Variants in DGCR2 observed in about 807,000 individuals in gnomAD.
DGCR2 encodes the protein integral membrane protein DGCR2/IDD.
DGCR2 carries 24 observed loss-of-function variants against 51.6 expected under a neutral mutation model. The observed-to-expected ratio is 0.47, with a 90% CI of 0.34 to 0.65. DGCR2 has a LOEUF of 0.65. DGCR2 is among the 30% of genes least tolerant of loss of function. The pLI is 0.01. For missense variants in DGCR2, 765 were observed against 772.1 expected (o/e 0.99, Z 0.11); for synonymous variants, 340 against 315.4 (o/e 1.08, Z -0.82).
intron 1 of DGCR2, among the ~76,000 whole-genome samples, chr22:19,101,609 C>G (rs55696481): frequency 6.6e-6 from 1 of 151,898 alleles, no homozygotes; most frequent in African/African-American, 2.4e-5. Context: ...GGCGTGGTGG[C>G]GCACACCTGT....
intron 1 of DGCR2, among the ~76,000 whole-genome samples, chr22:19,090,440 T>C (rs1027226143): frequency 3.3e-5 from 5 of 152,018 alleles, no homozygotes; most frequent in African/African-American, 4.8e-5. Context: ...AAAGAAGACA[T>C]GCACAGAAAA....
chr22:19,117,445 G>A (rs982415136), intron 1 of DGCR2, among the ~76,000 whole-genome samples: 2 of 152,218 alleles, frequency 1.3e-5, no homozygotes, highest in African/African-American at 2.4e-5. Flanking sequence ...ACCTTCCCAC[G>A]TGACACAGGG....
intron 3 of DGCR2, chr22:19,065,974 T>G (rs890214082): frequency 3.3e-5 from 5 of 152,256 alleles, no homozygotes; most frequent in Non-Finnish European, 5.9e-5. Flanking sequence ...GTGTGACTTC[T>G]TCATAAAGGC....
rs746408500 is a variant in DGCR2, at chr22:19,041,221, C to T, written c.1233G>A (p.Thr411=). Residue 411 remains threonine, a synonymous_variant, in exon 9 of 10, where the codon ACG becomes ACA. Transcript: ENST00000263196. ...CTCCGTCGTCAGAAAGATGCAGCGG[C>T]GTGAGGCCCGTGCCAAACCCGTCTG... is the stretch of plus-strand genomic sequence containing the variant. The part of the protein sequence containing the change: ...YGPDGFGTGL[T]PLHLSDDGEG... 3.1e-6 allele frequency: 5 copies of T among 1,614,096 alleles called. No individual in the cohort carries two copies. The highest frequency in any genetic ancestry group is 1.7e-5 in the Admixed American group (1 of 60,016).
intron 1 of DGCR2, among the ~76,000 whole-genome samples, chr22:19,103,284 TAA>T (rs361955): frequency 1.6e-4 from 21 of 134,654 alleles, no homozygotes; most frequent in Non-Finnish European, 2.4e-4. Flanking sequence ...TTTGGGATGA[TAA>T]AAAAAAAAAA....
Position 19,041,851 on chromosome 22 carries a change from C to T in DGCR2, c.1115G>A (p.Arg372His), listed in dbSNP as rs748660036. 3.7e-6 allele frequency: 6 copies of T among 1,612,950 alleles called. No individual in the cohort carries two copies. The African/African-American group carries it at 4.0e-5, about 11-fold the overall frequency. Residue 372 changes from arginine to histidine, a missense_variant, in exon 8 of 10, where the codon CGC becomes CAC. This residue lies in a region of DGCR2 where 190 missense variants were observed against 265.2 expected (regional missense o/e 0.72). Coordinates refer to ENST00000263196, the MANE Select transcript of DGCR2 (RefSeq NM_005137.3). ...SLLLFMVHRL[R>H]QRRRERIESL... ...CTCGATGCGCTCCCGGCGCCGCTGG[C>T]GCAGCCGGTGGACCATGAAGAGCAG...
chr22:19,055,323 C>A (rs2082589594), intron 6 of DGCR2, among the ~76,000 whole-genome samples: 1 of 152,120 alleles, frequency 6.6e-6, no homozygotes, highest in Non-Finnish European at 1.5e-5. Flanking sequence ...ACTTTTGTAA[C>A]ACAAATATTC....
At chr22:19,089,525 G>A (rs111349204) in intron 1 of DGCR2, 35 bp from the exon 2 acceptor site, 19,659 of 1,499,004 alleles carry the variant, frequency 0.013, 177 homozygotes, top group Middle Eastern at 0.019. Flanking sequence ...CATTGAGGAA[G>A]TGGCAGTAGG....
At chr22:19,083,721 C>CT (rs1569070541) in intron 2 of DGCR2, among the ~76,000 whole-genome samples, 55 of 125,270 alleles carry the variant, frequency 4.4e-4, no homozygotes, top group African/African-American at 1.4e-3. Context: ...CTCCCTCTCC[C>CT]CACGGTCTCC....
At chr22:19,119,240 T>A (rs1277517084) in intron 1 of DGCR2, among the ~76,000 whole-genome samples, 1 of 151,998 alleles carries the variant, frequency 6.6e-6, no homozygotes, top group Non-Finnish European at 1.5e-5. Flanking sequence ...CAGTCACGGG[T>A]GCATGATGGG....
chr22:19,084,855 G>T (rs1414688770), intron 2 of DGCR2, among the ~76,000 whole-genome samples: 5 of 147,036 alleles, frequency 3.4e-5, no homozygotes, highest in African/African-American at 1.3e-4. Context: ...GGAGGTGGGG[G>T]GCGCCTCTGC....
intron 5 of DGCR2, among the ~76,000 whole-genome samples, chr22:19,058,194 G>T (rs1236136139): frequency 2.0e-5 from 3 of 152,192 alleles, no homozygotes; most frequent in Non-Finnish European, 2.9e-5. Flanking sequence ...TATGCTGTGG[G>T]CCTGTGGACA....
chr22:19,068,628 C>A (rs1022534434), intron 2 of DGCR2, among the ~76,000 whole-genome samples: 1 of 152,224 alleles, frequency 6.6e-6, no homozygotes, highest in African/African-American at 2.4e-5. Context: ...TGAGGGCCTT[C>A]TCTCCCAGTA....
intron 2 of DGCR2, among the ~76,000 whole-genome samples, chr22:19,086,397 T>C (rs1459798957): frequency 6.6e-6 from 1 of 152,044 alleles, no homozygotes; most frequent in African/African-American, 2.4e-5. Flanking sequence ...GAGAATGGCA[T>C]GAACCCGGGA....
chr22:19,116,563 G>C (rs1032263708), intron 1 of DGCR2, among the ~76,000 whole-genome samples: 1 of 152,186 alleles, frequency 6.6e-6, no homozygotes. Flanking sequence ...GACTGGCAGT[G>C]AAAGAAAGGA....
chr22:19,048,342 A>C, intron 7 of DGCR2, 98 bp downstream of exon 7: 1 of 1,314,568 alleles, frequency 7.6e-7, no homozygotes, highest in Non-Finnish European at 1.1e-6. Context: ...ATGCTCCATA[A>C]ACTCTCCTGA....
Position 19,089,500 on chromosome 22 carries a change from CA to C in DGCR2, c.80-11del. On this transcript the variant is annotated splice_polypyrimidine_tract_variant and intron_variant, in intron 1 of 9. Transcript: ENST00000263196. ...GGGTTGCACCGCAGCTCTGTGGGAC[CA>C]AAGGGTGAGAGGCCATTGAGGAAGT... 6.4e-7 allele frequency: 1 copy of C among 1,554,994 alleles called. No individual in the cohort carries two copies. The highest frequency in any genetic ancestry group is 8.7e-7 in the Non-Finnish European group (1 of 1,144,636).
At position 19,048,697 on chromosome 22, in the gene DGCR2, T is replaced by C. The variant is rs2082517559; in HGVS notation, c.803-54A>G. 9 of 1,583,768 alleles carry C rather than the reference T, an allele frequency of 5.7e-6. No individual in the cohort carries two copies. In the South Asian group the frequency reaches 1.0e-4, roughly 18 times the overall value. On this transcript the variant is annotated intron_variant, in intron 6 of 9. Transcript: ENST00000263196. ...GTATACAATGCCAAAAAAGGTAGCC[T>C]CCCCGTGTGGGCCACACTGCCAAAA... is the stretch of plus-strand genomic sequence containing the variant.
At chr22:19,092,888 G>C (rs1569077415) in intron 1 of DGCR2, among the ~76,000 whole-genome samples, 1 of 126,204 alleles carries the variant, frequency 7.9e-6, no homozygotes, top group Admixed American at 7.9e-5. Context: ...ACGGAAGAAA[G>C]AAAAATGAAG....
Sources: allele counts gnomAD v4.1 joint callset (sites outside exome capture counted in the v4.1 genomes callset), GRCh38; gene constraint gnomAD v4.1.1; regional missense constraint gnomAD v4.1.1; transcripts MANE v1.5; gene names NCBI Gene and HGNC (gene_info 2026-07-23, HGNC 2026-07-21).